The following SCAF8 variants were observed in gnomAD, a reference collection of about 807,000 sequenced individuals.
SCAF8 encodes SR-related CTD associated factor 8, also known as SR-related and CTD-associated factor 8.
Under a neutral mutation model 140.5 loss-of-function variants are expected in SCAF8, and 23 were observed. The observed-to-expected ratio is 0.16, with a 90% CI of 0.12 to 0.23. The LOEUF is 0.23. SCAF8 is among the 10% of genes least tolerant of loss of function. The pLI is 1.00. For missense variants in SCAF8, 1,397 were observed against 1,555.7 expected (o/e 0.90, Z 1.72); for synonymous variants, 575 against 528.9 (o/e 1.09, Z -1.20).
chr6:154,803,602 A>G lies in SCAF8; in HGVS notation c.842A>G (p.Lys281Arg). 1 of 1,611,614 alleles carries G rather than the reference A, an allele frequency of 6.2e-7. No homozygotes were observed. Among genetic ancestry groups the G allele is most frequent in the Non-Finnish European group, 8.5e-7 (1 of 1,178,746 alleles). Reference sequence around the variant, plus strand: ...TCTGAGCATAGTGAAGAACCCAAAAAGGAAATTCCAGCTTCACAACTGTAA... The same window carrying G: ...TCTGAGCATAGTGAAGAACCCAAAAGGGAAATTCCAGCTTCACAACTGTAA... Reference protein sequence around the residue: ...EDSEHSEEPKKEIPASQLSHV... With the variant: ...EDSEHSEEPKREIPASQLSHV... The change falls in exon 8 of 20, where the codon AAG becomes AGG. Residue 281 changes from lysine (K) to arginine (R), a missense_variant. By Grantham distance (26) the Lys-to-Arg change is conservative. This residue lies in a region of SCAF8 where 339 missense variants were observed against 407.5 expected (regional missense o/e 0.83). Coordinates refer to ENST00000367178, the MANE Select transcript of SCAF8 (RefSeq NM_014892.5).
intron 16 of SCAF8, among the ~76,000 whole-genome samples, chr6:154,822,630 A>G (rs1348798193): frequency 1.3e-5 from 2 of 152,190 alleles, no homozygotes; most frequent in African/African-American, 4.8e-5. Context: ...AAAGGTAAAT[A>G]TGGAAATATT....
chr6:154,809,692 T>A (rs1161736999), intron 11 of SCAF8, among the ~76,000 whole-genome samples: 2 of 152,188 alleles, frequency 1.3e-5, no homozygotes, highest in Admixed American at 6.5e-5. Context: ...TTTAATTTTC[T>A]TTGGTCTTTC....
chr6:154,808,967 G>T (rs1335582611), intron 11 of SCAF8, among the ~76,000 whole-genome samples, 169 bp downstream of exon 11: 3 of 152,086 alleles, frequency 2.0e-5, no homozygotes, highest in African/African-American at 7.2e-5. Flanking sequence ...GTTTTAATTG[G>T]TATATCTGTG....
intron 1 of SCAF8, among the ~76,000 whole-genome samples, chr6:154,769,078 A>G (rs939710524): frequency 3.3e-5 from 5 of 151,948 alleles, no homozygotes; most frequent in Non-Finnish European, 7.4e-5. Flanking sequence ...AAAAAAAAAA[A>G]AAAAAAAATC....
At chr6:154,825,062 T>C (rs1364490979) in intron 17 of SCAF8, 1 of 152,178 alleles carries the variant, frequency 6.6e-6, no homozygotes, top group Non-Finnish European at 1.5e-5. Context: ...ATCAGAAAAT[T>C]TGCATTGTCC....
rs1248867210 is a variant in SCAF8 at position 154,803,610 on chromosome 6, C to G, written c.850C>G (p.Pro284Ala). Residue 284 changes from proline (P) to alanine (A), a missense_variant, in exon 8 of 20, where the codon CCA (proline) becomes GCA (alanine). This residue lies in a region of SCAF8 where 339 missense variants were observed against 407.5 expected (regional missense o/e 0.83). Coordinates refer to ENST00000367178, the MANE Select transcript of SCAF8 (RefSeq NM_014892.5). ...EHSEEPKKEI[P>A]ASQLSHVSES... ...TAGTGAAGAACCCAAAAAGGAAATT[C>G]CAGCTTCACAACTGTAAGAATTTTT... The G allele has an allele frequency of 6.2e-7, 1 of 1,610,324 alleles. No homozygotes were observed. Among genetic ancestry groups the G allele is most frequent in the Admixed American group, 1.7e-5 (1 of 59,930 alleles).
intron 16 of SCAF8, among the ~76,000 whole-genome samples, chr6:154,823,804 T>C (rs886830266): frequency 2.6e-5 from 4 of 152,186 alleles, no homozygotes; most frequent in African/African-American, 7.2e-5. Context: ...TACTTGCGAC[T>C]TTACCTAGAG....
Position 154,818,491 on chromosome 6 carries a change from C to A in SCAF8, c.1534C>A (p.Arg512=). The A allele has an allele frequency of 6.3e-7, 1 of 1,585,544 alleles. No individual in the cohort carries two copies. The highest frequency in any genetic ancestry group is 8.6e-7 in the Non-Finnish European group (1 of 1,164,654). ...QIESINMIPP[R]GCAYVCMVHR... ...TTTTTTTTATTAGATGATTCCTCCCCGGGGCTGTGCTTATGTCTGCATGGT... is the reference window on the plus strand; with the variant it reads ...TTTTTTTTATTAGATGATTCCTCCCAGGGGCTGTGCTTATGTCTGCATGGT... Residue 512 remains arginine (R), a synonymous_variant, in exon 14 of 20, where the codon CGG becomes AGG. Coordinates refer to ENST00000367178, the MANE Select transcript of SCAF8 (RefSeq NM_014892.5).
Position 154,827,257 on chromosome 6 carries a change from T to A in SCAF8, c.2140+17T>A, listed in dbSNP as rs758024539. On this transcript the variant is annotated intron_variant, in intron 18 of 19. Coordinates refer to ENST00000367178, the MANE Select transcript of SCAF8 (RefSeq NM_014892.5). ...TACCAACATGTAAGTTTTCTACTTT[T>A]AGAGTTTTCTTTATTCATGGTAGTG... 6.4e-7 allele frequency: 1 copy of A among 1,563,222 alleles called. No individual in the cohort carries two copies. Among genetic ancestry groups the A allele is most frequent in the Non-Finnish European group, 8.7e-7 (1 of 1,147,254 alleles).
intron 6 of SCAF8, among the ~76,000 whole-genome samples, chr6:154,799,997 G>C (rs1012421756): frequency 1.3e-5 from 2 of 151,216 alleles, no homozygotes; most frequent in African/African-American, 2.4e-5. Flanking sequence ...TGTTGGCCAG[G>C]CTGGTCTCAA....
chr6:154,780,089 A>C (rs1210491165), intron 3 of SCAF8, among the ~76,000 whole-genome samples: 1 of 152,144 alleles, frequency 6.6e-6, no homozygotes, highest in Non-Finnish European at 1.5e-5. Flanking sequence ...ACCATAGTCA[A>C]GGTACAGAAC....
At chr6:154,789,418 A>C (rs1777347489) in intron 4 of SCAF8, among the ~76,000 whole-genome samples, 1 of 151,700 alleles carries the variant, frequency 6.6e-6, no homozygotes, top group African/African-American at 2.4e-5. Context: ...GCCAGAGATA[A>C]ATTTATTATG....
intron 1 of SCAF8, among the ~76,000 whole-genome samples, chr6:154,741,189 A>G (rs1778559070): frequency 6.6e-6 from 1 of 152,192 alleles, no homozygotes; most frequent in Non-Finnish European, 1.5e-5. Context: ...GAATACAAGG[A>G]TAATTGAAAC....
rs1777881291 is a variant in SCAF8, at chr6:154,805,294, TC to T, written c.864-74del. Reference sequence around the variant, plus strand: ...TTTTATTGAATTGACTTTTTTGTTTTCTTTGAATACTCAGTTATTTTCATAG... The same window carrying T: ...TTTTATTGAATTGACTTTTTTGTTTTTTTGAATACTCAGTTATTTTCATAG... On this transcript the variant is annotated intron_variant, in intron 8 of 19. Transcript: ENST00000367178. 2.6e-5 allele frequency: 22 copies of T among 831,074 alleles called. No homozygotes were observed. In the South Asian group the frequency reaches 3.9e-4, roughly 15 times the overall value. The allele number at this position is 831,074 out of a possible 1,614,324, so 51.5% of individuals were successfully genotyped here. A position where few individuals can be genotyped will look rare whatever the true frequency, so the allele number is the denominator to read the frequency against.
intron 9 of SCAF8, among the ~76,000 whole-genome samples, chr6:154,806,334 A>G (rs1777912805): frequency 6.6e-6 from 1 of 152,216 alleles, no homozygotes; most frequent in Non-Finnish European, 1.5e-5. Context: ...TAAACTGTTC[A>G]GAATAAAAGT....
At chr6:154,735,737 C>T (rs546558781) in intron 1 of SCAF8, among the ~76,000 whole-genome samples, 1 of 152,234 alleles carries the variant, frequency 6.6e-6, no homozygotes, top group East Asian at 1.9e-4. Flanking sequence ...TGTTCTCAAA[C>T]TCCTGACCTC....
In SCAF8 at chr6:154,819,903, G is replaced by A. The variant is rs113607095; in HGVS notation, c.1636-274G>A. The stretch of plus-strand genomic sequence containing the variant: ...GCTGCAGGGCTAAGGCAGGAATATC[G>A]ATGGCTTGAGCCCGGAAGGTCAAGG... On this transcript the variant is annotated intron_variant, in intron 14 of 19. Coordinates refer to ENST00000367178, the MANE Select transcript of SCAF8 (RefSeq NM_014892.5). Among the ~76,000 whole-genome samples, 15 of 151,186 alleles carry A rather than the reference G, an allele frequency of 9.9e-5. No individual in the cohort carries two copies. In the South Asian group the frequency reaches 1.7e-3, roughly 17 times the overall value.
chr6:154,782,875 A>C (rs1777125046), intron 3 of SCAF8, among the ~76,000 whole-genome samples: 1 of 152,114 alleles, frequency 6.6e-6, no homozygotes, highest in East Asian at 1.9e-4. Flanking sequence ...ACCCAGATTA[A>C]AGGTGGGTCT....
chr6:154,808,320 A>T, intron 10 of SCAF8, 119 bp downstream of exon 10: 1 of 1,061,008 alleles, frequency 9.4e-7, no homozygotes. Context: ...CCACTTTGTA[A>T]TTGTTTCACC....
Sources: gnomAD v4.1 joint callset for allele counts (sites outside exome capture counted in the v4.1 genomes callset) on GRCh38, gnomAD v4.1.1 for gene constraint, gnomAD v4.1.1 regional missense constraint, MANE v1.5 for transcripts, NCBI Gene and HGNC (gene_info 2026-07-23, HGNC 2026-07-21) for gene names.